The following MTCL2 variants were observed in gnomAD, a reference collection of about 807,000 sequenced individuals.
MTCL2 encodes the protein microtubule crosslinking factor 2.
At chr20:36,839,884 C>T in the MTCL2 span, among the ~76,000 whole-genome samples, 2 of 152,110 alleles carry the variant, frequency 1.3e-5, no homozygotes, top group African/African-American at 2.4e-5. The surrounding 1 kb of genome is among the most constrained non-coding windows in gnomAD (Gnocchi z 5.1). Flanking sequence ...GTTTTTGAGA[C>T]GGAGTCTCAC....
chr20:36,811,687 T>G, the MTCL2 span, among the ~76,000 whole-genome samples: 4 of 151,476 alleles, frequency 2.6e-5, no homozygotes, highest in African/African-American at 7.3e-5. Flanking sequence ...AAATGACAAC[T>G]AAGTTATCTC....
the MTCL2 span, chr20:36,817,280 A>G: frequency 1.0e-4 from 90 of 885,562 alleles, no homozygotes; most frequent in South Asian, 2.3e-4. Context: ...AAAAAAAAAA[A>G]AAAAGAAAAG....
the MTCL2 span, among the ~76,000 whole-genome samples, chr20:36,835,630 GA>G: frequency 6.6e-6 from 1 of 152,062 alleles, no homozygotes; most frequent in Non-Finnish European, 1.5e-5. Flanking sequence ...AAACCCCCCA[GA>G]ACGACCCCAG....
At chr20:36,807,593 T>A in the MTCL2 span, among the ~76,000 whole-genome samples, 1 of 152,204 alleles carries the variant, frequency 6.6e-6, no homozygotes, top group Non-Finnish European at 1.5e-5. Context: ...GGGTCCTGCA[T>A]AGACTGGGGC....
At chr20:36,794,856 A>C in the MTCL2 span, 1 of 510,242 alleles carries the variant, frequency 2.0e-6, no homozygotes, top group Non-Finnish European at 3.5e-6. The surrounding 1 kb of genome is among the most constrained non-coding windows in gnomAD (Gnocchi z 5.4). Context: ...GCAGCCTCAA[A>C]CTCCTGGGCT....
chr20:36,801,464 G>T, the MTCL2 span, among the ~76,000 whole-genome samples: 1 of 151,138 alleles, frequency 6.6e-6, no homozygotes, highest in African/African-American at 2.4e-5. Context: ...AAGGCCCAGC[G>T]ACTCGGGAGG....
At chr20:36,803,210 C>G in the MTCL2 span, 7 of 1,462,024 alleles carry the variant, frequency 4.8e-6, no homozygotes, top group Non-Finnish European at 6.3e-6. Flanking sequence ...GGGGAGAGGT[C>G]CCCTCAGAAG....
chr20:36,788,967 C>T, the MTCL2 span, among the ~76,000 whole-genome samples: 23 of 152,052 alleles, frequency 1.5e-4, no homozygotes, highest in East Asian at 4.1e-3. Context: ...CCACCACGCC[C>T]GGCTAATTGT....
the MTCL2 span, among the ~76,000 whole-genome samples, chr20:36,809,578 C>CTTTTTT: frequency 8.1e-6 from 1 of 124,176 alleles, no homozygotes; most frequent in African/African-American, 3.0e-5. Flanking sequence ...TTCTTTCATT[C>CTTTTTT]TTTTTTTTTT....
chr20:36,852,586 T>C, the MTCL2 span, among the ~76,000 whole-genome samples: 1 of 152,102 alleles, frequency 6.6e-6, no homozygotes. Flanking sequence ...ACTCAATCCC[T>C]TCATACCCAG....
chr20:36,820,975 A>G, the MTCL2 span, among the ~76,000 whole-genome samples: 1 of 152,216 alleles, frequency 6.6e-6, no homozygotes, highest in African/African-American at 2.4e-5. Context: ...CAGTTAGGGA[A>G]GGCTTTCTTC....
chr20:36,778,908 TAA>T, the MTCL2 span: 1 of 152,114 alleles, frequency 6.6e-6, no homozygotes, highest in Non-Finnish European at 1.5e-5. Flanking sequence ...GGCTTCCAAA[TAA>T]AGAGTGACAA....
At chr20:36,842,769 C>G in the MTCL2 span, among the ~76,000 whole-genome samples, 1 of 151,960 alleles carries the variant, frequency 6.6e-6, no homozygotes, top group Non-Finnish European at 1.5e-5. Flanking sequence ...GAGCCTCTGT[C>G]TCACAAAATA....
At chr20:36,786,767 C>T in the MTCL2 span, 2 of 790,180 alleles carry the variant, frequency 2.5e-6, no homozygotes, top group East Asian at 2.7e-5. Flanking sequence ...GCTGAAGCTC[C>T]TCACTGGACC....
chr20:36,832,706 G>GGCTGGC, the MTCL2 span, among the ~76,000 whole-genome samples: 1 of 152,208 alleles, frequency 6.6e-6, no homozygotes, highest in Non-Finnish European at 1.5e-5. Context: ...AGCCAGGCGT[G>GGCTGGC]GTGGCACATG....
the MTCL2 span, among the ~76,000 whole-genome samples, chr20:36,807,220 C>T: frequency 1.5e-4 from 23 of 152,284 alleles, no homozygotes; most frequent in African/African-American, 5.5e-4. Context: ...GAATGATGAG[C>T]CCCACTGAGA....
chr20:36,859,763 T>A, the MTCL2 span: 1 of 1,231,722 alleles, frequency 8.1e-7, no homozygotes, highest in Non-Finnish European at 1.0e-6. Context: ...TGGTGGGACC[T>A]CCTTCAACTC....
the MTCL2 span, among the ~76,000 whole-genome samples, chr20:36,807,471 CTAAGA>C: frequency 6.6e-5 from 10 of 152,210 alleles, no homozygotes; most frequent in Admixed American, 3.3e-4. Context: ...ACAATGTCAA[CTAAGA>C]TGAGTGTGAC....
At chr20:36,815,043 C>T in the MTCL2 span, 82 of 1,360,608 alleles carry the variant, frequency 6.0e-5, no homozygotes, top group East Asian at 1.6e-3. This position sits in a 1 kb window ranked among gnomAD's most constrained non-coding sequence, Gnocchi z 5.3. Flanking sequence ...GCCTGGCCAG[C>T]GGGGAGAGAC....
Sources: allele counts gnomAD v4.1 joint callset (sites outside exome capture counted in the v4.1 genomes callset), GRCh38; gene constraint gnomAD v4.1.1; non-coding constraint Gnocchi (gnomAD v3.1); transcripts MANE v1.5; gene names NCBI Gene and HGNC (gene_info 2026-07-23, HGNC 2026-07-21).